The following MSRA variants were observed in gnomAD, a reference collection of about 807,000 sequenced individuals.
MSRA encodes mitochondrial peptide methionine sulfoxide reductase.
In MSRA, 54 loss-of-function variants were observed where a neutral mutation model predicts 31.3. The observed-to-expected ratio is 1.73, with a 90% CI of 1.39 to 2.17. The LOEUF (loss-of-function observed/expected upper bound fraction) is 2.17, where lower values mean the gene tolerates loss of function less well. Among genes scored for constraint, MSRA ranks in the 30% most tolerant of loss-of-function variants. MSRA has a pLI of 0.00. For missense variants in MSRA, 507 were observed against 300.9 expected (o/e 1.69, Z -5.07); for synonymous variants, 169 against 116.5 (o/e 1.45, Z -2.90).
At position 10,174,393 on chromosome 8, in the gene MSRA, C is replaced by T. The variant is rs971798727; in HGVS notation, c.143-33440C>T. Among the ~76,000 whole-genome samples the T allele has an allele frequency of 3.9e-5, 6 of 152,026 alleles. No homozygotes were observed. In the East Asian group the frequency reaches 1.2e-3, roughly 29 times the overall value. ...GGATGGAGGAGCCCAGGAGGCTTCC[C>T]GGGAGCAAGTCTATGTGTTTGGTGT... is the stretch of plus-strand genomic sequence containing the variant. On this transcript the variant is annotated intron_variant, in intron 1 of 5. Coordinates refer to ENST00000317173, the MANE Select transcript of MSRA (RefSeq NM_012331.5).
At chr8:10,327,002 C>T (rs977568171) in intron 5 of MSRA, among the ~76,000 whole-genome samples, 2 of 152,184 alleles carry the variant, frequency 1.3e-5, no homozygotes, top group Admixed American at 1.3e-4. Context: ...AGAGCATTCT[C>T]CTGGCCATAT....
At chr8:10,321,357 G>A (rs1298554864) in intron 5 of MSRA, among the ~76,000 whole-genome samples, 2 of 152,152 alleles carry the variant, frequency 1.3e-5, no homozygotes, top group African/African-American at 4.8e-5. Flanking sequence ...CGAGGAGGCT[G>A]TAACTAGAGT....
chr8:10,058,684 G>T (rs899789743), intron 1 of MSRA, among the ~76,000 whole-genome samples: 1 of 152,184 alleles, frequency 6.6e-6, no homozygotes, highest in South Asian at 2.1e-4. Context: ...ATGAAGAAAC[G>T]TTGAGATTTC....
At chr8:10,324,751 T>A (rs147688024) in intron 5 of MSRA, among the ~76,000 whole-genome samples, 1 of 152,190 alleles carries the variant, frequency 6.6e-6, no homozygotes, top group East Asian at 1.9e-4. Context: ...GCAGAGAGAC[T>A]GGGGAGGAAA....
At chr8:10,220,599 T>C (rs2129067232) in intron 2 of MSRA, among the ~76,000 whole-genome samples, 1 of 152,330 alleles carries the variant, frequency 6.6e-6, no homozygotes, top group South Asian at 2.1e-4. Flanking sequence ...ATCGCATTCA[T>C]GTTTTTATGT....
intron 1 of MSRA, among the ~76,000 whole-genome samples, chr8:10,061,540 C>G (rs886196245): frequency 2.6e-5 from 4 of 152,134 alleles, no homozygotes; most frequent in Non-Finnish European, 5.9e-5. Flanking sequence ...CACAATCTGT[C>G]TCATCTCCCC....
At chr8:10,313,419 T>G (rs1801543069) in intron 4 of MSRA, among the ~76,000 whole-genome samples, 1 of 152,004 alleles carries the variant, frequency 6.6e-6, no homozygotes, top group Non-Finnish European at 1.5e-5. Flanking sequence ...CAGGGTTTAC[T>G]TATTTACCAG....
At chr8:10,385,561 C>G (rs1039205527) in intron 5 of MSRA, among the ~76,000 whole-genome samples, 1 of 151,994 alleles carries the variant, frequency 6.6e-6, no homozygotes, top group South Asian at 2.1e-4. Context: ...GTGAGAAGAT[C>G]AGGTCTGTGG....
intron 1 of MSRA, among the ~76,000 whole-genome samples, chr8:10,066,443 GT>G (rs1797458788): frequency 6.6e-6 from 1 of 152,134 alleles, no homozygotes; most frequent in African/African-American, 2.4e-5. Context: ...ACAATTGTTG[GT>G]TTTTTATAAA....
rs371830626 is a variant in MSRA, at chr8:10,301,516, C to T, written c.332-18C>T. On this transcript the variant is annotated intron_variant, in intron 3 of 5. Coordinates refer to ENST00000317173, the MANE Select transcript of MSRA (RefSeq NM_012331.5). ...ATGTTGTCAGTAAATTTCGGTTGTACGTTTTGTTTTTTCCAAGAAAAAACT... is the reference window on the plus strand; with the variant it reads ...ATGTTGTCAGTAAATTTCGGTTGTATGTTTTGTTTTTTCCAAGAAAAAACT... The T allele has an allele frequency of 1.1e-4, 170 of 1,593,282 alleles. No individual in the cohort carries two copies. Among genetic ancestry groups the T allele is most frequent in the Admixed American group, 3.8e-4 (22 of 57,240 alleles).
At chr8:10,295,966 G>A (rs1336205653) in intron 3 of MSRA, among the ~76,000 whole-genome samples, 1 of 152,138 alleles carries the variant, frequency 6.6e-6, no homozygotes, top group Non-Finnish European at 1.5e-5. Context: ...TTAAACACTT[G>A]CTCATTAAAC....
intron 5 of MSRA, among the ~76,000 whole-genome samples, chr8:10,392,832 G>T (rs1224380711): frequency 7.0e-6 from 1 of 142,544 alleles, no homozygotes; most frequent in Non-Finnish European, 1.5e-5. Context: ...GTATCACCAG[G>T]TCAGGAGATC....
intron 5 of MSRA, among the ~76,000 whole-genome samples, chr8:10,368,645 G>C (rs1805303228): frequency 6.6e-6 from 1 of 152,204 alleles, no homozygotes; most frequent in Non-Finnish European, 1.5e-5. Context: ...AAGATGCACT[G>C]TTCCACAATG....
intron 3 of MSRA, among the ~76,000 whole-genome samples, chr8:10,295,287 C>T (rs576618843): frequency 1.3e-5 from 2 of 152,250 alleles, no homozygotes; most frequent in African/African-American, 4.8e-5. Flanking sequence ...TGGACACACA[C>T]CTTTAAGGAA....
chr8:10,098,910 C>T (rs1445935949), intron 1 of MSRA, among the ~76,000 whole-genome samples: 2 of 152,226 alleles, frequency 1.3e-5, no homozygotes, highest in African/African-American at 2.4e-5. Flanking sequence ...ACGTAAACAA[C>T]AGTGGCCTGT....
intron 1 of MSRA, among the ~76,000 whole-genome samples, chr8:10,110,019 C>T (rs541137805): frequency 1.3e-5 from 2 of 152,216 alleles, no homozygotes; most frequent in Admixed American, 1.3e-4. Flanking sequence ...TTCCCCACAT[C>T]CCAGATTTCA....
At chr8:10,170,168 G>A (rs1805475895) in intron 1 of MSRA, among the ~76,000 whole-genome samples, 1 of 151,000 alleles carries the variant, frequency 6.6e-6, no homozygotes, top group Non-Finnish European at 1.5e-5. Context: ...TTACAGACGT[G>A]AGCCACTGTG....
At chr8:10,361,254 A>G (rs1804828518) in intron 5 of MSRA, among the ~76,000 whole-genome samples, 1 of 152,228 alleles carries the variant, frequency 6.6e-6, no homozygotes, top group Admixed American at 6.5e-5. Flanking sequence ...GGGAAGATTT[A>G]GCCAAGCTCA....
intron 1 of MSRA, among the ~76,000 whole-genome samples, chr8:10,115,344 T>C (rs542974478): frequency 1.3e-4 from 20 of 152,302 alleles, no homozygotes; most frequent in Admixed American, 6.5e-4. Flanking sequence ...CATTGAAGAC[T>C]TGGACAGAGC....
Sources: gnomAD v4.1 joint callset for allele counts (sites outside exome capture counted in the v4.1 genomes callset) on GRCh38, gnomAD v4.1.1 for gene constraint, MANE v1.5 for transcripts, NCBI Gene and HGNC (gene_info 2026-07-23, HGNC 2026-07-21) for gene names.